SUCO: variants seen among roughly 807,000 people sequenced by gnomAD.
The protein encoded by SUCO is SUN domain containing ossification factor.
SUCO carries 57 observed loss-of-function variants against 148.1 expected under a neutral mutation model. The ratio of observed to expected loss-of-function variants is 0.38; its 90% confidence interval spans 0.31 to 0.48. The LOEUF (loss-of-function observed/expected upper bound fraction) is 0.48. SUCO is among the 20% of genes least tolerant of loss of function. The pLI is 0.96. For synonymous variants in SUCO, 470 were observed against 502.7 expected (o/e 0.93, Z 0.87); for missense variants, 1,331 against 1,468.2 (o/e 0.91, Z 1.53).
At chr1:172,537,058 G>C (rs1652077274) in intron 1 of SUCO, among the ~76,000 whole-genome samples, 1 of 152,078 alleles carries the variant, frequency 6.6e-6, no homozygotes, top group Non-Finnish European at 1.5e-5. Flanking sequence ...GCATTATTCA[G>C]CCTATACCCT....
Position 172,557,820 on chromosome 1 carries a change from T to C in SUCO, c.732+26T>C, listed in dbSNP as rs529359499. 11 of 1,524,562 alleles carry C rather than the reference T, an allele frequency of 7.2e-6. No individual in the cohort carries two copies. The East Asian group carries it at 1.8e-4, about 25-fold the overall frequency. The allele number at this position is 1,524,562 out of a possible 1,614,324, so 94.4% of individuals were successfully genotyped here. A position where few individuals can be genotyped will look rare whatever the true frequency, so the allele number is the denominator to read the frequency against. On this transcript the variant is annotated intron_variant, in intron 6 of 23. Coordinates refer to ENST00000263688, the MANE Select transcript of SUCO (RefSeq NM_014283.5). ...GTAGGTATATAACTTGCACTATCTC[T>C]TACTTCTTTATGTAATGCATTTTTG...
intron 6 of SUCO, chr1:172,568,392 T>C: frequency 1.0e-6 from 1 of 959,958 alleles, no homozygotes; most frequent in South Asian, 4.9e-5. Context: ...TTGCAGATAC[T>C]TCTCTCAGTG....
intron 6 of SUCO, among the ~76,000 whole-genome samples, chr1:172,561,839 G>A (rs957868024): frequency 1.3e-5 from 2 of 152,278 alleles, no homozygotes; most frequent in East Asian, 3.9e-4. Context: ...TACTACCTCA[G>A]CATTGGCACA....
intron 22 of SUCO, chr1:172,608,498 A>G: frequency 2.1e-6 from 1 of 484,642 alleles, no homozygotes; most frequent in Non-Finnish European, 3.6e-6. Flanking sequence ...CTAGTTAACA[A>G]CTTAAGGAAG....
chr1:172,565,689 G>T, intron 6 of SUCO, among the ~76,000 whole-genome samples: 1 of 152,186 alleles, frequency 6.6e-6, no homozygotes, highest in East Asian at 1.9e-4. Flanking sequence ...ACAACTAAGT[G>T]TCCCACCTTA....
chr1:172,602,051 C>A lies in SUCO; in HGVS notation c.3019-13C>A. ...TTTCCTATGATTATTATTTAACCCT[C>A]TTCTCATCTCAGGTTTCAGATCGAC... On this transcript the variant is annotated splice_polypyrimidine_tract_variant and intron_variant, in intron 20 of 23. Coordinates refer to ENST00000263688, the MANE Select transcript of SUCO (RefSeq NM_014283.5). The A allele has an allele frequency of 6.2e-7, 1 of 1,600,386 alleles. No homozygotes were observed. The highest frequency in any genetic ancestry group is 8.5e-7 in the Non-Finnish European group (1 of 1,174,400).
intron 23 of SUCO, chr1:172,609,391 A>C: frequency 1.0e-6 from 1 of 965,426 alleles, no homozygotes; most frequent in Non-Finnish European, 1.2e-6. Flanking sequence ...TTCATTCTCA[A>C]CCCGGCTGCT....
intron 1 of SUCO, among the ~76,000 whole-genome samples, chr1:172,546,570 C>T (rs1571186072): frequency 6.6e-6 from 1 of 152,100 alleles, no homozygotes; most frequent in South Asian, 2.1e-4. Context: ...CAAGTTTTAA[C>T]CCCCGGTCCC....
chr1:172,553,646 C>G (rs1014173743), intron 3 of SUCO, among the ~76,000 whole-genome samples: 6 of 152,040 alleles, frequency 3.9e-5, no homozygotes, highest in African/African-American at 1.4e-4. Flanking sequence ...TATGATGTAT[C>G]TTGTCTCTTC....
intron 6 of SUCO, among the ~76,000 whole-genome samples, chr1:172,564,344 C>A (rs1211383021): frequency 6.6e-6 from 1 of 152,244 alleles, no homozygotes; most frequent in East Asian, 1.9e-4. Flanking sequence ...CACTCAACAC[C>A]AGCTCCTGAA....
intron 1 of SUCO, among the ~76,000 whole-genome samples, chr1:172,550,088 A>C (rs898101082): frequency 1.3e-5 from 2 of 151,828 alleles, no homozygotes; most frequent in African/African-American, 4.8e-5. Flanking sequence ...TTGTCTTTCT[A>C]GTCACCCTGG....
intron 13 of SUCO, 78 bp from the exon 14 acceptor site, chr1:172,578,220 G>A (rs1465725984): frequency 8.9e-7 from 1 of 1,117,662 alleles, no homozygotes; most frequent in Non-Finnish European, 1.3e-6. Flanking sequence ...CAAAGTTGAT[G>A]TTTGTCATTT....
chr1:172,578,432 A>G, intron 14 of SUCO, 43 bp downstream of exon 14: 3 of 1,568,716 alleles, frequency 1.9e-6, no homozygotes, highest in Non-Finnish European at 2.6e-6. Flanking sequence ...TATTTTTTTT[A>G]CTTTTTAAAA....
At position 172,589,340 on chromosome 1, in the gene SUCO, A is replaced by G. The variant is rs1298538031; in HGVS notation, c.2239A>G (p.Ile747Val). ...ITPEINPLPK[I>V]EVSESVEYEA... ...CCCAGAAATCAATCCCTTGCCTAAA[A>G]TAGAAGTATCTGAGTCTGTTGAATA... The change falls in exon 18 of 24, where the codon ATA becomes GTA. Residue 747 changes from isoleucine to valine, a missense_variant. By Grantham distance (29) the Ile-to-Val change is conservative. Coordinates refer to ENST00000263688, the MANE Select transcript of SUCO (RefSeq NM_014283.5). 1 of 1,613,544 alleles carries G rather than the reference A, an allele frequency of 6.2e-7. No homozygotes were observed. Among genetic ancestry groups the G allele is most frequent in the Admixed American group, 1.7e-5 (1 of 59,924 alleles).
chr1:172,574,064 C>A (rs1355217656), intron 10 of SUCO, 66 bp downstream of exon 10: 2 of 922,848 alleles, frequency 2.2e-6, no homozygotes, highest in Non-Finnish European at 3.3e-6. Flanking sequence ...AACAAAAAAA[C>A]AAAAAAGTGG....
At position 172,602,190 on chromosome 1, in the gene SUCO, A is replaced by G. The variant is rs762684396; in HGVS notation, c.3145A>G (p.Lys1049Glu). 5.6e-6 allele frequency: 9 copies of G among 1,612,576 alleles called. No individual in the cohort carries two copies. The Admixed American group carries it at 1.5e-4, about 27-fold the overall frequency. The change falls in exon 21 of 24, where the codon AAA (lysine) becomes GAA (glutamate). Residue 1049 changes from lysine to glutamate, a missense_variant. Lys to Glu is a moderately conservative substitution (Grantham distance 56). Around this residue, in one of 3 missense-constraint regions of SUCO, gnomAD observed 334 missense variants for 352.3 expected, o/e 0.95. Coordinates refer to ENST00000263688, the MANE Select transcript of SUCO (RefSeq NM_014283.5). ...FDGDYISKLP[K>E]SNQYPSPKRC... ...TGGAGATTATATTTCAAAACTTCCTAAAAGTAATCAGTATCCAAGCCCTAA... is the reference window on the plus strand; with the variant it reads ...TGGAGATTATATTTCAAAACTTCCTGAAAGTAATCAGTATCCAAGCCCTAA...
chr1:172,572,458 G>T (rs1462030716), intron 9 of SUCO, among the ~76,000 whole-genome samples: 2 of 151,934 alleles, frequency 1.3e-5, no homozygotes, highest in Non-Finnish European at 2.9e-5. Flanking sequence ...AATGGATTAA[G>T]GGTGGTGCAA....
At position 172,610,460 on chromosome 1, in the gene SUCO, C is replaced by T. The variant is rs974137462; in HGVS notation, c.*201C>T. The T allele has an allele frequency of 5.3e-5, 36 of 675,710 alleles. No individual in the cohort carries two copies. The highest frequency in any genetic ancestry group is 7.6e-5 in the Admixed American group (2 of 26,374). The allele number at this position is 675,710 out of a possible 1,614,324, so 41.9% of individuals were successfully genotyped here. A position where few individuals can be genotyped will look rare whatever the true frequency, so the allele number is the denominator to read the frequency against. On this transcript the variant is annotated 3_prime_UTR_variant, in exon 24 of 24. Coordinates refer to ENST00000263688, the MANE Select transcript of SUCO (RefSeq NM_014283.5). ...TACAGTTTTACAAAGCTGATCACTT[C>T]CTATAAGGACAATGGTAGACATTTT... is the stretch of plus-strand genomic sequence containing the variant.
intron 15 of SUCO, among the ~76,000 whole-genome samples, chr1:172,583,313 A>C (rs72710406): frequency 0.088 from 13,430 of 152,240 alleles, 823 homozygotes; most frequent in Non-Finnish European, 0.13. Flanking sequence ...AATATTAAAA[A>C]TGTTATTTAA....
Sources: allele counts gnomAD v4.1 joint callset (sites outside exome capture counted in the v4.1 genomes callset), GRCh38; gene constraint gnomAD v4.1.1; regional missense constraint gnomAD v4.1.1; transcripts MANE v1.5; gene names NCBI Gene and HGNC (gene_info 2026-07-23, HGNC 2026-07-21).